Variants in RIN2 observed in about 807,000 individuals in gnomAD.
The protein encoded by RIN2 is Ras and Rab interactor 2.
In RIN2, 36 loss-of-function variants were observed where a neutral mutation model predicts 78.0. The ratio of observed to expected loss-of-function variants is 0.46; its 90% CI spans 0.35 to 0.61. RIN2 has a LOEUF of 0.61. RIN2 is among the 20% of genes least tolerant of loss of function. The pLI, the probability that RIN2 is intolerant of heterozygous loss-of-function variation, is 0.00. For missense variants in RIN2, 1,087 were observed against 1,159.7 expected (o/e 0.94, Z 0.91); for synonymous variants, 466 against 466.8 (o/e 1.00, Z 0.02).
At chr20:19,805,182 G>A (rs1431841908) in intron 2 of RIN2, among the ~76,000 whole-genome samples, 1 of 152,274 alleles carries the variant, frequency 6.6e-6, no homozygotes, top group Admixed American at 6.5e-5. Flanking sequence ...AAATTGGGAT[G>A]CGGGTATTTA....
chr20:19,940,203 A>G (rs6112666), intron 4 of RIN2, among the ~76,000 whole-genome samples: 22,413 of 152,080 alleles, frequency 0.15, 1,800 homozygotes, highest in East Asian at 0.3. Context: ...CTGTGAGACC[A>G]GGGACTGGGT....
At chr20:19,931,716 T>C (rs1312549899) in intron 3 of RIN2, among the ~76,000 whole-genome samples, 1 of 152,014 alleles carries the variant, frequency 6.6e-6, no homozygotes, top group African/African-American at 2.4e-5. Context: ...TGCCTTTTTT[T>C]TTTTTTTTTC....
intron 2 of RIN2, among the ~76,000 whole-genome samples, chr20:19,811,163 A>G (rs969930327): frequency 3.9e-5 from 6 of 151,934 alleles, no homozygotes; most frequent in African/African-American, 1.5e-4. Flanking sequence ...TAGATGCAGT[A>G]ATTTATTTGG....
intron 3 of RIN2, among the ~76,000 whole-genome samples, chr20:19,930,183 C>A (rs1413642846): frequency 1.3e-5 from 2 of 152,184 alleles, no homozygotes; most frequent in East Asian, 3.8e-4. Context: ...AACCTCTGTG[C>A]TTGTCCACCC....
At chr20:19,957,356 A>G (rs1408010205) in intron 5 of RIN2, among the ~76,000 whole-genome samples, 1 of 151,784 alleles carries the variant, frequency 6.6e-6, no homozygotes, top group East Asian at 1.9e-4. Flanking sequence ...CATCCAGACC[A>G]CTCCACGACT....
Position 20,001,651 on chromosome 20 carries a change from C to G in RIN2, c.*715C>G, listed in dbSNP as rs1357110144. Reference sequence around the variant, plus strand: ...ATTTCTTAAAGCAACGTATTCCTGACACTGGCCACAGAATGCCTTTGGAAA... The same window carrying G: ...ATTTCTTAAAGCAACGTATTCCTGAGACTGGCCACAGAATGCCTTTGGAAA... On this transcript the variant is annotated 3_prime_UTR_variant, in exon 13 of 13. Coordinates refer to ENST00000255006, the MANE Select transcript of RIN2 (RefSeq NM_018993.4). 6.6e-6 allele frequency: 1 copy of G among 152,596 alleles called. No homozygotes were observed. Among genetic ancestry groups the G allele is most frequent in the Non-Finnish European group, 1.5e-5 (1 of 68,038 alleles). 9.5% of individuals were successfully genotyped at this position (152,596 alleles called of 1,614,324 possible).
Position 19,974,891 on chromosome 20 carries a change from A to T in RIN2, c.866A>T (p.Lys289Ile), listed in dbSNP as rs1365062197. 6.2e-7 allele frequency: 1 copy of T among 1,613,994 alleles called. No homozygotes were observed. The change falls in exon 9 of 13, where the codon AAA becomes ATA. Residue 289 changes from lysine to isoleucine, a missense_variant. Lys to Ile is a moderately radical substitution (Grantham distance 102). Transcript: ENST00000255006. ...AGCCAGGACCTCAGTGGAGGCCTGA[A>T]ACGGCCGAGCACAAGGACTCCCAAC... is the stretch of plus-strand genomic sequence containing the variant. The part of the protein sequence containing the change: ...VHSQDLSGGL[K>I]RPSTRTPNAN...
intron 2 of RIN2, among the ~76,000 whole-genome samples, chr20:19,810,656 GT>G (rs990325463): frequency 7.3e-6 from 1 of 136,620 alleles, no homozygotes; most frequent in African/African-American, 2.7e-5. Context: ...TCTTATTGAA[GT>G]TTGATCATGT....
chr20:19,799,344 G>A (rs554180748), intron 1 of RIN2, among the ~76,000 whole-genome samples: 22 of 152,308 alleles, frequency 1.4e-4, no homozygotes, highest in African/African-American at 5.1e-4. Context: ...AAGACAGGAT[G>A]CTTGTTAATT....
At chr20:19,933,495 G>C (rs894720940) in intron 3 of RIN2, among the ~76,000 whole-genome samples, 6 of 151,984 alleles carry the variant, frequency 3.9e-5, no homozygotes, top group Non-Finnish European at 5.9e-5. Context: ...TCTTCATTCT[G>C]GAACTGCTCA....
chr20:19,772,636 G>C (rs779070282), intron 1 of RIN2, among the ~76,000 whole-genome samples: 1 of 152,092 alleles, frequency 6.6e-6, no homozygotes, highest in Non-Finnish European at 1.5e-5. Flanking sequence ...CAGCTAAAAG[G>C]GTCCCGGCAC....
chr20:19,923,889 T>G (rs1410099746), intron 3 of RIN2, among the ~76,000 whole-genome samples: 1 of 151,980 alleles, frequency 6.6e-6, no homozygotes, highest in East Asian at 1.9e-4. Context: ...CCAACAGGGC[T>G]AGGATAGACA....
chr20:19,996,198 G>A (rs767928342), intron 11 of RIN2, among the ~76,000 whole-genome samples: 1 of 152,044 alleles, frequency 6.6e-6, no homozygotes, highest in African/African-American at 2.4e-5. Flanking sequence ...CCTTTAATCC[G>A]AGCCACTCGG....
chr20:19,903,282 G>A (rs1033645108), intron 3 of RIN2, among the ~76,000 whole-genome samples: 1 of 152,092 alleles, frequency 6.6e-6, no homozygotes, highest in Non-Finnish European at 1.5e-5. Flanking sequence ...ATCGGTGGAG[G>A]AGCAGCCAGC....
intron 2 of RIN2, among the ~76,000 whole-genome samples, chr20:19,824,161 C>T (rs940568413): frequency 6.6e-6 from 1 of 152,204 alleles, no homozygotes; most frequent in African/African-American, 2.4e-5. Flanking sequence ...AGGCTCCCTC[C>T]CAATGGCCTT....
At chr20:19,826,771 A>C (rs1298330692) in intron 2 of RIN2, among the ~76,000 whole-genome samples, 4 of 152,112 alleles carry the variant, frequency 2.6e-5, no homozygotes, top group African/African-American at 9.7e-5. Flanking sequence ...TTTGGTGGCA[A>C]TCCATCAACT....
chr20:19,964,225 C>T (rs550110834), intron 6 of RIN2, among the ~76,000 whole-genome samples: 45 of 150,866 alleles, frequency 3.0e-4, no homozygotes, highest in African/African-American at 1.1e-3. Flanking sequence ...GGGGGAACAA[C>T]ACTCCAAGTA....
intron 1 of RIN2, among the ~76,000 whole-genome samples, chr20:19,781,856 A>G (rs2034520638): frequency 6.6e-6 from 1 of 151,870 alleles, no homozygotes; most frequent in Admixed American, 6.6e-5. Flanking sequence ...CAGTGCTTGC[A>G]ATTACTGTGC....
intron 1 of RIN2, among the ~76,000 whole-genome samples, chr20:19,768,946 G>A (rs1222598955): frequency 1.4e-4 from 18 of 131,814 alleles, no homozygotes; most frequent in African/African-American, 3.5e-4. Flanking sequence ...TTTTGAGACC[G>A]AGTCTCGCTC....
Sources: allele counts gnomAD v4.1 joint callset (sites outside exome capture counted in the v4.1 genomes callset), GRCh38; gene constraint gnomAD v4.1.1; transcripts MANE v1.5; gene names NCBI Gene and HGNC (gene_info 2026-07-23, HGNC 2026-07-21).